CLIP1: variants seen among roughly 807,000 people sequenced by gnomAD.
CLIP1 encodes CAP-Gly domain containing linker protein 1, also known as CAP-Gly domain-containing linker protein 1.
In CLIP1, 66 loss-of-function variants were observed where a neutral mutation model predicts 161.6. The ratio of observed to expected loss-of-function variants is 0.41; its 90% CI spans 0.33 to 0.50. CLIP1 has a LOEUF of 0.50. CLIP1 is among the 20% of genes least tolerant of loss of function. The pLI is 0.27. For missense variants in CLIP1, 1,376 were observed against 1,702.0 expected, an observed-to-expected ratio of 0.81 and a Z score of 3.37; for synonymous variants, 598 against 626.2, an observed-to-expected ratio of 0.96 and a Z score of 0.67.
chr12:122,391,835 C>G (rs1347504042), intron 1 of CLIP1, among the ~76,000 whole-genome samples: 2 of 152,164 alleles, frequency 1.3e-5, no homozygotes, highest in Admixed American at 1.3e-4. Context: ...GTTGGAACAC[C>G]ATTTGAATGC....
Position 122,319,407 on chromosome 12 carries a change from A to G in CLIP1, c.3250-59T>C. On this transcript the variant is annotated intron_variant, in intron 17 of 25. Transcript: ENST00000620786. The stretch of plus-strand genomic sequence containing the variant: ...CAGCCCTCGCCAACACCGTTAGGTG[A>G]GGATCGGGCTGTGCTGTTCAGGCAG... 2.3e-6 allele frequency: 3 copies of G among 1,309,822 alleles called. 1 individual carries two copies. Among genetic ancestry groups the G allele is most frequent in the South Asian group, 2.4e-5 (2 of 84,450 alleles). 81.1% of individuals were successfully genotyped at this position (1,309,822 alleles called of 1,614,324 possible). A position where few individuals can be genotyped will look rare whatever the true frequency, so the allele number is the denominator to read the frequency against.
At chr12:122,304,100 A>C (rs1197957107) in intron 20 of CLIP1, among the ~76,000 whole-genome samples, 1 of 152,160 alleles carries the variant, frequency 6.6e-6, no homozygotes, top group African/African-American at 2.4e-5. Context: ...ACAGAAAATG[A>C]CCACTGGCAG....
At chr12:122,347,044 C>T (rs963492308) in intron 10 of CLIP1, among the ~76,000 whole-genome samples, 5 of 152,198 alleles carry the variant, frequency 3.3e-5, no homozygotes, top group African/African-American at 1.2e-4. Context: ...GGACAATTGA[C>T]TGCTTGTGGC....
chr12:122,272,693 T>A lies in CLIP1; in HGVS notation c.*182A>T, dbSNP rs1955223454. 5.1e-6 allele frequency: 3 copies of A among 586,670 alleles called. No individual in the cohort carries two copies. Among genetic ancestry groups the A allele is most frequent in the South Asian group, 4.4e-5 (2 of 45,004 alleles). 36.3% of individuals were successfully genotyped at this position (586,670 alleles called of 1,614,324 possible). A position where few individuals can be genotyped will look rare whatever the true frequency, so the allele number is the denominator to read the frequency against. On this transcript the variant is annotated 3_prime_UTR_variant, in exon 26 of 26. Transcript: ENST00000620786. ...GAAAACTCACCTACTAAATATTTATTATTCTAACTCATACGGGGAGACTAA... is the reference window on the plus strand; with the variant it reads ...GAAAACTCACCTACTAAATATTTATAATTCTAACTCATACGGGGAGACTAA...
intron 3 of CLIP1, among the ~76,000 whole-genome samples, chr12:122,369,984 G>A (rs905575951): frequency 5.3e-5 from 8 of 151,596 alleles, no homozygotes; most frequent in East Asian, 3.9e-4. Flanking sequence ...GCAACATGGC[G>A]AAACCCTGTC....
In CLIP1 at chr12:122,305,152, T is replaced by C. The variant is rs193269232; in HGVS notation, c.3594+4610A>G. The stretch of plus-strand genomic sequence containing the variant: ...CTCTGTTCCCATAGTGATAGCTCAC[T>C]GTATTTGCTATCTTTACAAGGTGGA... On this transcript the variant is annotated intron_variant, in intron 20 of 25. Transcript: ENST00000620786. Among the ~76,000 whole-genome samples the C allele has an allele frequency of 1.5e-3, 232 of 152,348 alleles. 2 individuals carry two copies. Among genetic ancestry groups the C allele is most frequent in the African/African-American group, 5.4e-3 (225 of 41,580 alleles).
intron 11 of CLIP1, among the ~76,000 whole-genome samples, chr12:122,340,077 T>G (rs962343997): frequency 7.7e-6 from 1 of 129,328 alleles, no homozygotes; most frequent in African/African-American, 3.1e-5. Context: ...TCTTTTAAGC[T>G]TTTTTTTTTT....
Position 122,287,207 on chromosome 12 carries a change from G to A in CLIP1, c.3647+1282C>T, listed in dbSNP as rs192702305. Among the ~76,000 whole-genome samples the A allele has an allele frequency of 2.4e-3, 361 of 152,154 alleles. 2 individuals are homozygous for A. The highest frequency in any genetic ancestry group is 8.1e-3 in the Admixed American group (123 of 15,274). ...AAATTAAAAAAAGAAAAAAGAAAAT[G>A]CATCCCTGGACCAAGGCCTAACGTC... On this transcript the variant is annotated intron_variant, in intron 21 of 25. Transcript: ENST00000620786.
intron 3 of CLIP1, among the ~76,000 whole-genome samples, chr12:122,371,420 C>T (rs1566186202): frequency 6.6e-6 from 1 of 152,116 alleles, no homozygotes; most frequent in Admixed American, 6.5e-5. Context: ...AAGAAACCAC[C>T]GCCCAATTAC....
At chr12:122,284,764 CT>C (rs1011647168) in intron 21 of CLIP1, among the ~76,000 whole-genome samples, 3 of 152,062 alleles carry the variant, frequency 2.0e-5, no homozygotes, top group Non-Finnish European at 2.9e-5. Flanking sequence ...TACATCATCT[CT>C]TTTTTAAAAA....
At chr12:122,283,191 C>T (rs1471538503) in intron 21 of CLIP1, among the ~76,000 whole-genome samples, 1 of 152,176 alleles carries the variant, frequency 6.6e-6, no homozygotes, top group Non-Finnish European at 1.5e-5. Context: ...CACAGATGAA[C>T]AAACTCCCCC....
chr12:122,414,975 C>T (rs9788145), intron 1 of CLIP1, among the ~76,000 whole-genome samples: 117,539 of 151,784 alleles, frequency 0.77, 45,749 homozygotes, highest in East Asian at 0.85. Context: ...TGAGAATCCT[C>T]TGAACCCAGG....
At position 122,340,907 on chromosome 12, in the gene CLIP1, A is replaced by G; in HGVS notation, c.2297T>C (p.Leu766Pro). 3.1e-6 allele frequency: 5 copies of G among 1,614,164 alleles called. No individual in the cohort carries two copies. Among genetic ancestry groups the G allele is most frequent in the Non-Finnish European group, 4.2e-6 (5 of 1,180,022 alleles). ...CAAGAGCTTTTCTTCAGTAGCCTTG[A>G]GCTGTGATGTAAAATTATCAATAAC... The part of the protein sequence containing the change: ...TKVIDNFTSQ[L>P]KATEEKLLDL... The change falls in exon 11 of 26, where the codon CTC becomes CCC. Residue 766 changes from leucine to proline, a missense_variant. Coordinates refer to ENST00000620786, the MANE Select transcript of CLIP1 (RefSeq NM_001247997.2).
At chr12:122,395,074 A>G (rs1382108491) in intron 1 of CLIP1, among the ~76,000 whole-genome samples, 1 of 152,196 alleles carries the variant, frequency 6.6e-6, no homozygotes, top group Non-Finnish European at 1.5e-5. Context: ...TGCCACTGAT[A>G]ACCTAGTCTA....
chr12:122,372,132 A>G (rs1420641970), intron 3 of CLIP1, among the ~76,000 whole-genome samples: 2 of 152,066 alleles, frequency 1.3e-5, no homozygotes, highest in African/African-American at 4.8e-5. Flanking sequence ...GAAAAAAAAA[A>G]AATACAGTCT....
chr12:122,290,647 T>C (rs2136311126), intron 20 of CLIP1, among the ~76,000 whole-genome samples: 1 of 152,134 alleles, frequency 6.6e-6, no homozygotes, highest in South Asian at 2.1e-4. Context: ...TTAGTGAATA[T>C]TTGAAAAATC....
intron 3 of CLIP1, among the ~76,000 whole-genome samples, chr12:122,367,746 C>T (rs1386845681): frequency 6.6e-6 from 1 of 152,144 alleles, no homozygotes; most frequent in African/African-American, 2.4e-5. Flanking sequence ...AGGCCAGGTG[C>T]AGTGGCTCAT....
intron 1 of CLIP1, among the ~76,000 whole-genome samples, chr12:122,394,786 G>A (rs1018666098): frequency 1.3e-5 from 2 of 152,000 alleles, no homozygotes; most frequent in Non-Finnish European, 2.9e-5. Flanking sequence ...CCAGGAGGCG[G>A]AGGTTGCAGT....
chr12:122,332,808 A>G (rs1952040303), intron 15 of CLIP1, among the ~76,000 whole-genome samples, 179 bp downstream of exon 15: 2 of 152,218 alleles, frequency 1.3e-5, no homozygotes, highest in African/African-American at 4.8e-5. Flanking sequence ...TAAGATAGGT[A>G]AAATCCATTT....
Sources: gnomAD v4.1 joint callset for allele counts (sites outside exome capture counted in the v4.1 genomes callset) on GRCh38, gnomAD v4.1.1 for gene constraint, MANE v1.5 for transcripts, NCBI Gene and HGNC (gene_info 2026-07-23, HGNC 2026-07-21) for gene names.